Variants in LRRIQ3 observed in about 807,000 individuals in gnomAD.
LRRIQ3 encodes leucine-rich repeat and IQ domain-containing protein 3.
Under a neutral mutation model 59.3 loss-of-function variants are expected in LRRIQ3, and 75 were observed. The observed-to-expected ratio is 1.26, with a 90% confidence interval of 1.05 to 1.53. The LOEUF (loss-of-function observed/expected upper bound fraction) is 1.53. Ranked by LOEUF, LRRIQ3 falls within the 40% of genes most tolerant of loss-of-function variation. The pLI, the probability that LRRIQ3 is intolerant of heterozygous loss-of-function variation, is 0.00. For synonymous variants in LRRIQ3, 250 were observed against 231.3 expected, an observed-to-expected ratio of 1.08 and a Z score of -0.73; for missense variants, 831 against 710.0, an observed-to-expected ratio of 1.17 and a Z score of -1.94.
At chr1:74,094,225 C>T (rs932668928) in intron 5 of LRRIQ3, among the ~76,000 whole-genome samples, 1 of 152,012 alleles carries the variant, frequency 6.6e-6, no homozygotes, top group African/African-American at 2.4e-5. Context: ...TATAGCCACA[C>T]AAGTTTAGAA....
In LRRIQ3 at chr1:74,055,028, A is replaced by G. The variant is rs1202434188; in HGVS notation, c.998-13095T>C. 2.7e-5 allele frequency among the ~76,000 whole-genome samples: 4 copies of G among 147,912 alleles called. No homozygotes were observed. The East Asian group carries it at 5.8e-4, about 22-fold the overall frequency. ...TTTTAAATAATATGTAAATATAAAT[A>G]TAGCTTATATAAATACCCACATACA... is the stretch of plus-strand genomic sequence containing the variant. On this transcript the variant is annotated intron_variant, in intron 6 of 7. Coordinates refer to ENST00000354431, the MANE Select transcript of LRRIQ3 (RefSeq NM_001105659.2).
intron 4 of LRRIQ3, among the ~76,000 whole-genome samples, chr1:74,142,668 G>A (rs1400084694): frequency 3.9e-5 from 6 of 151,988 alleles, no homozygotes; most frequent in Non-Finnish European, 7.4e-5. Context: ...GGCCACAAAT[G>A]CTTGCTTAAA....
At chr1:74,027,072 G>A (rs959439169) in intron 7 of LRRIQ3, 103 bp from the exon 8 acceptor site, 3 of 746,482 alleles carry the variant, frequency 4.0e-6, no homozygotes, top group Admixed American at 3.4e-5. Flanking sequence ...CTTCGAAATA[G>A]GCATATACAA....
chr1:74,031,417 G>C (rs559962772), intron 7 of LRRIQ3, among the ~76,000 whole-genome samples: 30 of 152,216 alleles, frequency 2.0e-4, no homozygotes, highest in African/African-American at 6.5e-4. Flanking sequence ...ATACACCATG[G>C]AATACTATGC....
chr1:74,080,782 A>G (rs1570082036), intron 5 of LRRIQ3, among the ~76,000 whole-genome samples: 1 of 151,756 alleles, frequency 6.6e-6, no homozygotes, highest in East Asian at 1.9e-4. Context: ...GTCTGGCAGC[A>G]CAGCCTCTCA....
intron 1 of LRRIQ3, among the ~76,000 whole-genome samples, chr1:74,188,436 A>G (rs1557662002): frequency 1.3e-5 from 2 of 152,300 alleles, no homozygotes; most frequent in South Asian, 2.1e-4. Context: ...TAAAAAATCC[A>G]AACTATTAAG....
intron 6 of LRRIQ3, among the ~76,000 whole-genome samples, chr1:74,054,219 T>C (rs1328443509): frequency 6.6e-6 from 1 of 150,586 alleles, no homozygotes; most frequent in Non-Finnish European, 1.5e-5. Context: ...TATCAAGCCA[T>C]AAAAAAAAAC....
intron 4 of LRRIQ3, among the ~76,000 whole-genome samples, chr1:74,120,492 A>C (rs1466300613): frequency 1.3e-5 from 2 of 152,050 alleles, no homozygotes; most frequent in Non-Finnish European, 2.9e-5. Context: ...TGCAATTGGA[A>C]TTTTGTTAGT....
At chr1:74,057,536 T>C (rs1379651379) in intron 6 of LRRIQ3, among the ~76,000 whole-genome samples, 1 of 152,118 alleles carries the variant, frequency 6.6e-6, no homozygotes, top group Non-Finnish European at 1.5e-5. Flanking sequence ...AAACACTAAA[T>C]ATTCACATGC....
intron 7 of LRRIQ3, among the ~76,000 whole-genome samples, chr1:74,040,779 C>T (rs748596881): frequency 2.6e-5 from 4 of 152,220 alleles, no homozygotes; most frequent in African/African-American, 9.6e-5. Flanking sequence ...TTCTGGGACA[C>T]AGCTAAAGCA....
intron 6 of LRRIQ3, among the ~76,000 whole-genome samples, chr1:74,051,654 T>A (rs1331500741): frequency 6.6e-6 from 1 of 152,112 alleles, no homozygotes; most frequent in Non-Finnish European, 1.5e-5. Context: ...CCATCCCCTG[T>A]CTCCTACCAT....
chr1:74,026,657 A>C lies in LRRIQ3; in HGVS notation c.*156T>G, dbSNP rs1053071205. 1 of 616,776 alleles carries C rather than the reference A, an allele frequency of 1.6e-6. No individual in the cohort carries two copies. Among genetic ancestry groups the C allele is most frequent in the Admixed American group, 3.9e-5 (1 of 25,560 alleles). 38.2% of individuals were successfully genotyped at this position (616,776 alleles called of 1,614,324 possible). A position where few individuals can be genotyped will look rare whatever the true frequency, so the allele number is the denominator to read the frequency against. Reference sequence around the variant, plus strand: ...AAGTTAAATTATGACCAATAAGAGAAACATTTTAACTAATCTTTATATTTT... The same window carrying C: ...AAGTTAAATTATGACCAATAAGAGACACATTTTAACTAATCTTTATATTTT... On this transcript the variant is annotated 3_prime_UTR_variant, in exon 8 of 8. Coordinates refer to ENST00000354431, the MANE Select transcript of LRRIQ3 (RefSeq NM_001105659.2).
intron 3 of LRRIQ3, among the ~76,000 whole-genome samples, chr1:74,175,168 G>C (rs78520840): frequency 6.6e-6 from 1 of 152,126 alleles, no homozygotes; most frequent in Non-Finnish European, 1.5e-5. Flanking sequence ...AGATGAGGCC[G>C]ATGGGGTCCA....
intron 6 of LRRIQ3, among the ~76,000 whole-genome samples, chr1:74,062,360 T>A (rs929609750): frequency 6.6e-6 from 1 of 151,916 alleles, no homozygotes; most frequent in Non-Finnish European, 1.5e-5. Context: ...TGAGATACCA[T>A]CTCACACCAG....
chr1:74,190,085 C>A (rs1465639701), intron 1 of LRRIQ3, among the ~76,000 whole-genome samples: 1 of 152,084 alleles, frequency 6.6e-6, no homozygotes, highest in Non-Finnish European at 1.5e-5. Context: ...AAATCAACAA[C>A]TTTTCTTAGC....
chr1:74,136,031 A>C (rs1647117578), intron 4 of LRRIQ3, among the ~76,000 whole-genome samples: 1 of 151,954 alleles, frequency 6.6e-6, no homozygotes, highest in Non-Finnish European at 1.5e-5. Context: ...ATATATTACG[A>C]AAATAAAAAA....
chr1:74,059,700 G>T (rs1043846147), intron 6 of LRRIQ3, among the ~76,000 whole-genome samples: 1 of 151,910 alleles, frequency 6.6e-6, no homozygotes, highest in Non-Finnish European at 1.5e-5. Flanking sequence ...ATTCTATGTG[G>T]ACTTTAGGAT....
chr1:74,101,110 A>C (rs1646524532), intron 5 of LRRIQ3, among the ~76,000 whole-genome samples: 1 of 152,208 alleles, frequency 6.6e-6, no homozygotes, highest in Admixed American at 6.5e-5. Flanking sequence ...CTACCATCAG[A>C]GTGAACAGGC....
intron 3 of LRRIQ3, among the ~76,000 whole-genome samples, chr1:74,179,190 T>C (rs2100717002): frequency 6.6e-6 from 1 of 152,182 alleles, no homozygotes; most frequent in South Asian, 2.1e-4. Context: ...TATATCCTTC[T>C]ATGATATGAT....
Sources: allele counts gnomAD v4.1 joint callset (sites outside exome capture counted in the v4.1 genomes callset), GRCh38; gene constraint gnomAD v4.1.1; transcripts MANE v1.5; gene names NCBI Gene and HGNC (gene_info 2026-07-23, HGNC 2026-07-21).